The following PRRC2C variants were observed in gnomAD, a reference collection of about 807,000 sequenced individuals.
PRRC2C encodes the protein proline rich coiled-coil 2C.
PRRC2C carries 72 observed loss-of-function variants against 317.2 expected under a neutral mutation model. The ratio of observed to expected loss-of-function variants is 0.23; its 90% CI spans 0.19 to 0.28. The LOEUF is 0.28. PRRC2C is among the 10% of genes least tolerant of loss of function. The probability of loss-of-function intolerance (pLI) is 1.00; values close to 1 mark genes in which losing one functional copy is unlikely to be tolerated. For synonymous variants in PRRC2C, 1,296 were observed against 1,205.9 expected, an observed-to-expected ratio of 1.07 and a Z score of -1.55; for missense variants, 3,074 against 3,459.7, an observed-to-expected ratio of 0.89 and a Z score of 2.80.
At chr1:171,513,218 T>A in intron 3 of PRRC2C, 46 bp downstream of exon 3, 1 of 1,544,642 alleles carries the variant, frequency 6.5e-7, no homozygotes, top group Non-Finnish European at 8.8e-7. Context: ...CCTTTCTTTG[T>A]AGGGAACTTA....
In PRRC2C at chr1:171,564,101, T is replaced by A. The variant is rs771769837; in HGVS notation, c.6118-2132T>A. 4.3e-4 allele frequency among the ~76,000 whole-genome samples: 65 copies of A among 152,218 alleles called. 1 individual carries two copies. Among genetic ancestry groups the A allele is most frequent in the Admixed American group, 6.5e-5 (1 of 15,280 alleles). ...TACATTATTTTGGAGTTTTTCCTCA[T>A]GAAGAAATTTTGTATTAGCAAAGTT... On this transcript the variant is annotated intron_variant, in intron 20 of 34. Coordinates refer to ENST00000647382, the MANE Select transcript of PRRC2C (RefSeq NM_001387844.1).
At position 171,591,972 on chromosome 1, in the gene PRRC2C, G is replaced by A. The variant is rs1651540606; in HGVS notation, c.*125G>A. The A allele has an allele frequency of 3.8e-6, 5 of 1,304,196 alleles. No homozygotes were observed. Among genetic ancestry groups the A allele is most frequent in the East Asian group, 2.3e-5 (1 of 42,974 alleles). 80.8% of individuals were successfully genotyped at this position (1,304,196 alleles called of 1,614,324 possible). A position where few individuals can be genotyped will look rare whatever the true frequency, so the allele number is the denominator to read the frequency against. On this transcript the variant is annotated 3_prime_UTR_variant, in exon 35 of 35. Coordinates refer to ENST00000647382, the MANE Select transcript of PRRC2C (RefSeq NM_001387844.1). ...ATTATCCTGTTCAGAGCTTGGAGAT[G>A]TACAAGGGACATAGGAGCAATTTAC...
chr1:171,530,406 G>A (rs574745710), intron 11 of PRRC2C, among the ~76,000 whole-genome samples: 1 of 151,832 alleles, frequency 6.6e-6, no homozygotes, highest in South Asian at 2.1e-4. Context: ...TCTATGCCCG[G>A]CTAATTTTTT....
chr1:171,570,385 A>T (rs1684571391), intron 23 of PRRC2C, among the ~76,000 whole-genome samples: 1 of 152,172 alleles, frequency 6.6e-6, no homozygotes, highest in Admixed American at 6.5e-5. Flanking sequence ...CATGTTGGTT[A>T]GTATTACTCA....
rs757376035 is a variant in PRRC2C, at chr1:171,541,335, A to G, written c.3869A>G (p.Lys1290Arg). 1.3e-5 allele frequency: 21 copies of G among 1,612,912 alleles called. No individual in the cohort carries two copies. The highest frequency in any genetic ancestry group is 1.5e-5 in the Non-Finnish European group (18 of 1,179,680). Residue 1290 changes from lysine to arginine, a missense_variant, in exon 16 of 35, where the codon AAA becomes AGA. By Grantham distance (26) the Lys-to-Arg change is conservative. This residue lies in a region of PRRC2C where 1,320 missense variants were observed against 1,395.7 expected (regional missense o/e 0.95). Transcript: ENST00000647382. This position sits in a 1 kb window ranked among gnomAD's most constrained non-coding sequence, Gnocchi z 4.1. The part of the protein sequence containing the change: ...KDSLSKGKLP[K>R]REERPENKKP... ...AGTTTAAGTAAAGGCAAACTTCCCA[A>G]AAGAGAGGAACGGCCTGAAAACAAA...
At chr1:171,555,962 A>C (rs1681290429) in intron 18 of PRRC2C, among the ~76,000 whole-genome samples, 1 of 152,224 alleles carries the variant, frequency 6.6e-6, no homozygotes, top group Non-Finnish European at 1.5e-5. Flanking sequence ...GAGCAGTCAG[A>C]CAGGGACTTT....
intron 17 of PRRC2C, among the ~76,000 whole-genome samples, chr1:171,548,694 G>T (rs912445740): frequency 6.6e-6 from 1 of 152,058 alleles, no homozygotes; most frequent in African/African-American, 2.4e-5. Context: ...TACTGACTGG[G>T]ATATAGGGTA....
intron 17 of PRRC2C, among the ~76,000 whole-genome samples, chr1:171,549,315 G>C (rs925287438): frequency 1.3e-5 from 2 of 152,200 alleles, no homozygotes; most frequent in African/African-American, 4.8e-5. Context: ...GATACTACAG[G>C]CATGTGCCAC....
At chr1:171,526,896 C>T (rs1674688396) in intron 10 of PRRC2C, among the ~76,000 whole-genome samples, 1 of 142,052 alleles carries the variant, frequency 7.0e-6, no homozygotes, top group Non-Finnish European at 1.5e-5. Context: ...GCAACCTCTG[C>T]CTCTCAGGTT....
chr1:171,564,774 C>T (rs752041307), intron 20 of PRRC2C, among the ~76,000 whole-genome samples: 18 of 152,194 alleles, frequency 1.2e-4, no homozygotes, highest in African/African-American at 4.8e-5. Flanking sequence ...AGTAAAAATA[C>T]GATATTATAA....
At chr1:171,578,272 G>T (rs186204487) in intron 26 of PRRC2C, among the ~76,000 whole-genome samples, 4 of 152,000 alleles carry the variant, frequency 2.6e-5, no homozygotes, top group African/African-American at 9.7e-5. Context: ...CAATATATAG[G>T]CTGGGTGTGG....
chr1:171,542,764 TTTG>T lies in PRRC2C; in HGVS notation c.4763+548_4763+550del, dbSNP rs553516697. Among the ~76,000 whole-genome samples, 1,417 of 152,098 alleles carry T rather than the reference TTTG, an allele frequency of 9.3e-3. 5 individuals are homozygous for T. Among genetic ancestry groups the T allele is most frequent in the Middle Eastern group, 0.02 (6 of 294 alleles). ...CAAGTAAGCTAAACTTGGCCTGTTTTTTGTTGTTGTTGTTGAGATGGAGTCTCG... is the reference window on the plus strand; with the variant it reads ...CAAGTAAGCTAAACTTGGCCTGTTTTTTGTTGTTGTTGAGATGGAGTCTCG... On this transcript the variant is annotated intron_variant, in intron 16 of 34. Transcript: ENST00000647382.
Position 171,557,383 on chromosome 1 carries a change from A to G in PRRC2C, c.5271A>G (p.Pro1757=), listed in dbSNP as rs1217222686. 8 of 1,551,492 alleles carry G rather than the reference A, an allele frequency of 5.2e-6. No individual in the cohort carries two copies. The highest frequency in any genetic ancestry group is 1.4e-5 in the African/African-American group (1 of 73,002). Residue 1757 remains proline, a synonymous_variant, in exon 19 of 35, where the codon CCA becomes CCG. Coordinates refer to ENST00000647382, the MANE Select transcript of PRRC2C (RefSeq NM_001387844.1). ...SVPPLASAPL[P]PSTSASVPAS... ...CACCTCTAGCTTCGGCTCCACTTCC[A>G]CCTTCAACCTCAGCTTCAGTTCCAG...
chr1:171,498,781 C>T (rs529968861), intron 1 of PRRC2C, among the ~76,000 whole-genome samples: 74 of 152,282 alleles, frequency 4.9e-4, no homozygotes, highest in African/African-American at 1.8e-3. Context: ...ATTCTGTATA[C>T]CCTTGCTCTC....
At chr1:171,519,166 G>C (rs1378122553) in intron 6 of PRRC2C, among the ~76,000 whole-genome samples, 2 of 152,190 alleles carry the variant, frequency 1.3e-5, no homozygotes, top group Non-Finnish European at 2.9e-5. Flanking sequence ...TTATAGGCAT[G>C]AGTCACCATG....
intron 16 of PRRC2C, among the ~76,000 whole-genome samples, chr1:171,544,371 A>G (rs1678644014): frequency 6.6e-6 from 1 of 152,004 alleles, no homozygotes; most frequent in Admixed American, 6.6e-5. Flanking sequence ...TGATCTGCCC[A>G]CCTCGGCCTC....
At chr1:171,491,441 A>G (rs1166658234) in intron 1 of PRRC2C, among the ~76,000 whole-genome samples, 2 of 152,168 alleles carry the variant, frequency 1.3e-5, no homozygotes, top group African/African-American at 4.8e-5. Context: ...TTCTCTCTCC[A>G]AGGCATCAGC....
intron 3 of PRRC2C, chr1:171,513,548 T>G: frequency 2.4e-6 from 1 of 418,780 alleles, no homozygotes; most frequent in South Asian, 1.7e-5. Flanking sequence ...ATCTCCAGCA[T>G]TGAAACTGCC....
intron 18 of PRRC2C, among the ~76,000 whole-genome samples, chr1:171,554,894 A>C (rs1681050801): frequency 6.6e-5 from 10 of 151,894 alleles, no homozygotes; most frequent in Admixed American, 6.6e-4. Flanking sequence ...TGCGCTTAAT[A>C]TTTTTTCCTT....
Sources: gnomAD v4.1 joint callset for allele counts (sites outside exome capture counted in the v4.1 genomes callset) on GRCh38, gnomAD v4.1.1 for gene constraint, gnomAD v4.1.1 regional missense constraint, Gnocchi (gnomAD v3.1) non-coding constraint, MANE v1.5 for transcripts, NCBI Gene and HGNC (gene_info 2026-07-23, HGNC 2026-07-21) for gene names.